Variants in GRIK2 observed in about 807,000 individuals in gnomAD.
GRIK2 encodes the protein glutamate ionotropic receptor kainate type subunit 2, also known as glutamate receptor ionotropic, kainate 2.
In GRIK2, 32 loss-of-function variants were observed where a neutral mutation model predicts 100.3. The observed-to-expected ratio is 0.32, with a 90% CI of 0.24 to 0.43. The LOEUF is 0.43. Ranked by LOEUF, GRIK2 falls within the 20% of genes least tolerant of loss-of-function variation. GRIK2 has a pLI of 1.00. For synonymous variants in GRIK2, 417 were observed against 389.4 expected, an observed-to-expected ratio of 1.07 and a Z score of -0.83; for missense variants, 843 against 1,114.9, an observed-to-expected ratio of 0.76 and a Z score of 3.47.
intron 9 of GRIK2, among the ~76,000 whole-genome samples, chr6:101,811,929 C>T (rs926701453): frequency 4.6e-5 from 7 of 151,006 alleles, no homozygotes; most frequent in Non-Finnish European, 7.4e-5. Context: ...GAAAAAAATA[C>T]ACAGAAACCA....
At chr6:101,679,724 C>T (rs1487096422) in intron 5 of GRIK2, among the ~76,000 whole-genome samples, 2 of 152,086 alleles carry the variant, frequency 1.3e-5, no homozygotes, top group African/African-American at 2.4e-5. Flanking sequence ...AAAATAACTA[C>T]TATTTCTACC....
intron 2 of GRIK2, among the ~76,000 whole-genome samples, chr6:101,532,031 T>G (rs1217606115): frequency 6.6e-6 from 1 of 151,952 alleles, no homozygotes; most frequent in Non-Finnish European, 1.5e-5. Context: ...ATTGTTTTTA[T>G]TTTTCTCTTT....
chr6:101,557,004 G>GT (rs1776779649), intron 2 of GRIK2, among the ~76,000 whole-genome samples: 1 of 149,354 alleles, frequency 6.7e-6, no homozygotes, highest in Admixed American at 6.7e-5. Flanking sequence ...TCACATCACT[G>GT]TTTTTTAAAG....
chr6:101,932,742 A>G (rs907138000), intron 14 of GRIK2, among the ~76,000 whole-genome samples: 1 of 151,952 alleles, frequency 6.6e-6, no homozygotes, highest in Non-Finnish European at 1.5e-5. Context: ...CTGAACTTAC[A>G]TGTCTTGAGC....
chr6:101,433,848 T>C (rs1769562450), intron 2 of GRIK2, among the ~76,000 whole-genome samples: 1 of 152,204 alleles, frequency 6.6e-6, no homozygotes, highest in African/African-American at 2.4e-5. Flanking sequence ...ACCCAATTAA[T>C]GATCACCAGT....
chr6:101,498,638 ATG>A (rs959363629), intron 2 of GRIK2, among the ~76,000 whole-genome samples: 2 of 150,920 alleles, frequency 1.3e-5, no homozygotes, highest in Non-Finnish European at 2.9e-5. Flanking sequence ...GCATTTTTTC[ATG>A]TGTCTTTTGG....
chr6:101,656,271 C>A (rs1473417790), intron 4 of GRIK2, among the ~76,000 whole-genome samples: 1 of 149,320 alleles, frequency 6.7e-6, no homozygotes. Context: ...CCATTGTACT[C>A]CAGCCTGGGT....
At chr6:101,998,461 C>T (rs1006885520) in intron 14 of GRIK2, among the ~76,000 whole-genome samples, 1 of 152,016 alleles carries the variant, frequency 6.6e-6, no homozygotes, top group Admixed American at 6.6e-5. Context: ...AGCGGAATCA[C>T]TCAAGTTTAA....
At chr6:101,887,006 T>A (rs1249772407) in intron 11 of GRIK2, among the ~76,000 whole-genome samples, 1 of 150,880 alleles carries the variant, frequency 6.6e-6, no homozygotes, top group South Asian at 2.1e-4. Flanking sequence ...TTTTTTTGTA[T>A]TTTAGTAGAG....
At chr6:102,062,653 A>C (rs960605247) in intron 16 of GRIK2, among the ~76,000 whole-genome samples, 1 of 150,476 alleles carries the variant, frequency 6.6e-6, no homozygotes, top group Admixed American at 6.6e-5. Context: ...TTTTAACATG[A>C]GTGATTTAGC....
chr6:101,695,265 G>A (rs1434337862), intron 7 of GRIK2, among the ~76,000 whole-genome samples: 3 of 152,036 alleles, frequency 2.0e-5, no homozygotes, highest in Non-Finnish European at 4.4e-5. Context: ...GTCCTCACAT[G>A]GTGGGAGAAA....
chr6:102,035,673 A>G (rs1170167610), intron 15 of GRIK2, 107 bp downstream of exon 15: 3 of 624,562 alleles, frequency 4.8e-6, no homozygotes, highest in Admixed American at 5.0e-5. Context: ...TGTTTTTACC[A>G]AATGCATCCT....
intron 14 of GRIK2, among the ~76,000 whole-genome samples, chr6:102,009,734 G>A (rs536140622): frequency 6.6e-6 from 1 of 152,176 alleles, no homozygotes; most frequent in African/African-American, 2.4e-5. Context: ...CTCTTACGGT[G>A]TAAACTGCCT....
chr6:101,458,347 AT>A (rs1771118897), intron 2 of GRIK2, among the ~76,000 whole-genome samples: 1 of 152,174 alleles, frequency 6.6e-6, no homozygotes, highest in African/African-American at 2.4e-5. Flanking sequence ...TTTGTTAGAT[AT>A]TTCTTTGATG....
In GRIK2 at chr6:101,698,177, TC is replaced by T. The variant is rs1460930006; in HGVS notation, c.951+11825del. Reference sequence around the variant, plus strand: ...ATATCAAATTGTTGATGCTTTTTTTTCATGACACTATCTGAGTAATTATATT... The same window carrying T: ...ATATCAAATTGTTGATGCTTTTTTTTATGACACTATCTGAGTAATTATATT... On this transcript the variant is annotated intron_variant, in intron 7 of 16. Transcript: ENST00000369134. 5.4e-5 allele frequency among the ~76,000 whole-genome samples: 7 copies of T among 128,596 alleles called. No individual in the cohort carries two copies. In the South Asian group the frequency reaches 1.0e-3, roughly 18 times the overall value. The allele number at this position is 128,596 out of a possible 152,430, so 84.4% of individuals were successfully genotyped here. A position where few individuals can be genotyped will look rare whatever the true frequency, so the allele number is the denominator to read the frequency against.
intron 11 of GRIK2, among the ~76,000 whole-genome samples, chr6:101,872,816 C>A (rs1431240921): frequency 6.6e-6 from 1 of 151,776 alleles, no homozygotes; most frequent in Non-Finnish European, 1.5e-5. Flanking sequence ...AATTTTATGT[C>A]TGTTTTCAAT....
chr6:101,396,252 C>A lies in GRIK2; in HGVS notation c.-294+2415C>A, dbSNP rs546998681. ...ATGTAAATTTAGCATTCCCCCCCCC[C>A]CCAGGAAGTGAGTGAGTTTAATGTG... On this transcript the variant is annotated intron_variant, in intron 1 of 16. Transcript: ENST00000369134. Among the ~76,000 whole-genome samples the A allele has an allele frequency of 3.6e-3, 544 of 150,288 alleles. 7 individuals are homozygous for A. The highest frequency in any genetic ancestry group is 0.013 in the African/African-American group (518 of 41,052).
chr6:101,485,412 A>ACCTT (rs1209329318), intron 2 of GRIK2, among the ~76,000 whole-genome samples: 1 of 152,108 alleles, frequency 6.6e-6, no homozygotes, highest in Non-Finnish European at 1.5e-5. Flanking sequence ...TTTTTCTTTA[A>ACCTT]CCTTCCAAGC....
chr6:101,577,650 A>G (rs1232087), intron 2 of GRIK2, among the ~76,000 whole-genome samples: 16,788 of 152,140 alleles, frequency 0.11, 1,299 homozygotes, highest in African/African-American at 0.21. Flanking sequence ...AGTGTTATGA[A>G]TCAACATAGG....
Sources: gnomAD v4.1 joint callset for allele counts (sites outside exome capture counted in the v4.1 genomes callset) on GRCh38, gnomAD v4.1.1 for gene constraint, MANE v1.5 for transcripts, NCBI Gene and HGNC (gene_info 2026-07-23, HGNC 2026-07-21) for gene names.